Variants in CDK14 observed in about 807,000 individuals in gnomAD.
CDK14 encodes cyclin-dependent kinase 14.
In CDK14, 34 loss-of-function variants were observed where a neutral mutation model predicts 60.7. The ratio of observed to expected loss-of-function variants is 0.56; its 90% CI spans 0.43 to 0.75. CDK14 has a LOEUF of 0.75. CDK14 is among the 30% of genes least tolerant of loss of function. The pLI is 0.00. For missense variants in CDK14, 482 were observed against 564.1 expected, an observed-to-expected ratio of 0.85 and a Z score of 1.47; for synonymous variants, 197 against 203.7, an observed-to-expected ratio of 0.97 and a Z score of 0.28.
At chr7:90,829,429 G>C (rs1198584385) in intron 5 of CDK14, among the ~76,000 whole-genome samples, 4 of 152,166 alleles carry the variant, frequency 2.6e-5, no homozygotes, top group Non-Finnish European at 5.9e-5. Context: ...AGATACAGTG[G>C]GGGTACAGGC....
chr7:90,673,897 A>T (rs17715882), intron 2 of CDK14, among the ~76,000 whole-genome samples: 1 of 152,196 alleles, frequency 6.6e-6, no homozygotes, highest in African/African-American at 2.4e-5. Flanking sequence ...CTTATTTTTC[A>T]TAGATATCAA....
intron 4 of CDK14, among the ~76,000 whole-genome samples, chr7:90,771,397 C>T (rs971284544): frequency 1.3e-5 from 2 of 152,282 alleles, no homozygotes; most frequent in East Asian, 3.9e-4. Context: ...AGCTATTTTA[C>T]TCTCACAGTT....
chr7:91,056,743 AT>A (rs1456719551), intron 11 of CDK14, among the ~76,000 whole-genome samples: 2 of 152,098 alleles, frequency 1.3e-5, no homozygotes, highest in African/African-American at 4.8e-5. Flanking sequence ...TGAACTCATC[AT>A]TTTTTATGGC....
intron 1 of CDK14, among the ~76,000 whole-genome samples, chr7:90,598,704 A>ATTTGTTTTTTTTTT (rs1554416545): frequency 1.1e-5 from 1 of 87,890 alleles, no homozygotes; most frequent in African/African-American, 4.0e-5. Flanking sequence ...TTATCTAAGG[A>ATTTGTTTTTTTTTT]TTTTTTTTTT....
chr7:91,073,406 T>C (rs1232249618), intron 11 of CDK14, among the ~76,000 whole-genome samples: 1 of 152,098 alleles, frequency 6.6e-6, no homozygotes, highest in Non-Finnish European at 1.5e-5. Flanking sequence ...CAAACTAAGC[T>C]TCATAAATGA....
intron 2 of CDK14, among the ~76,000 whole-genome samples, chr7:90,680,312 A>G (rs2116558213): frequency 6.6e-6 from 1 of 152,282 alleles, no homozygotes; most frequent in South Asian, 2.1e-4. Context: ...GTATCATTAG[A>G]CATAGCTTCT....
intron 7 of CDK14, among the ~76,000 whole-genome samples, chr7:90,901,345 T>A (rs1464144488): frequency 6.6e-6 from 1 of 152,154 alleles, no homozygotes; most frequent in Non-Finnish European, 1.5e-5. Flanking sequence ...ACAGTGAGCC[T>A]GGGTATTTAT....
chr7:91,089,971 T>C (rs1159017452), intron 12 of CDK14, among the ~76,000 whole-genome samples: 1 of 152,204 alleles, frequency 6.6e-6, no homozygotes, highest in Non-Finnish European at 1.5e-5. Flanking sequence ...AGTGGGACTT[T>C]ACCTTCCTAT....
At chr7:90,732,572 G>A (rs974558105) in intron 3 of CDK14, among the ~76,000 whole-genome samples, 3 of 151,974 alleles carry the variant, frequency 2.0e-5, no homozygotes, top group Non-Finnish European at 4.4e-5. Context: ...GTTTTAGGAG[G>A]GTGTATGTGT....
At chr7:91,168,120 G>A (rs886394554) in intron 14 of CDK14, among the ~76,000 whole-genome samples, 23 of 152,106 alleles carry the variant, frequency 1.5e-4, no homozygotes, top group African/African-American at 5.3e-4. Context: ...AAATTAGCTG[G>A]GCGTGGTGGC....
At chr7:90,843,433 A>C (rs7790827) in intron 5 of CDK14, among the ~76,000 whole-genome samples, 1 of 152,124 alleles carries the variant, frequency 6.6e-6, no homozygotes, top group Admixed American at 6.6e-5. Flanking sequence ...AAGCACTGGG[A>C]ATTAGCTGTG....
chr7:90,706,257 T>C (rs965704588), intron 2 of CDK14, among the ~76,000 whole-genome samples: 3 of 152,186 alleles, frequency 2.0e-5, no homozygotes, highest in Admixed American at 6.5e-5. Context: ...TCCTGCAGCT[T>C]TGCGCTCTCC....
At chr7:90,920,917 G>C (rs1009345882) in intron 8 of CDK14, among the ~76,000 whole-genome samples, 2 of 151,608 alleles carry the variant, frequency 1.3e-5, no homozygotes, top group Non-Finnish European at 2.9e-5. Context: ...CTGAATTCCA[G>C]GTAGTCAAAA....
chr7:91,049,882 T>A (rs979059124), intron 11 of CDK14, among the ~76,000 whole-genome samples: 1 of 152,104 alleles, frequency 6.6e-6, no homozygotes, highest in African/African-American at 2.4e-5. Context: ...TGGGTGGTGA[T>A]AAGTACTGTG....
chr7:91,079,354 AG>A, intron 11 of CDK14, 77 bp from the exon 12 acceptor site: 1 of 939,724 alleles, frequency 1.1e-6, no homozygotes, highest in Non-Finnish European at 1.7e-6. Flanking sequence ...CTTTTTTTAA[AG>A]TTGAAGTTTT....
intron 10 of CDK14, among the ~76,000 whole-genome samples, chr7:91,028,431 T>C (rs1439667085): frequency 6.6e-6 from 1 of 152,184 alleles, no homozygotes; most frequent in African/African-American, 2.4e-5. Flanking sequence ...TTATTTTCCT[T>C]TGGGTAGCTA....
chr7:90,805,982 A>C (rs1182333250), intron 5 of CDK14, among the ~76,000 whole-genome samples: 1 of 152,230 alleles, frequency 6.6e-6, no homozygotes, highest in Non-Finnish European at 1.5e-5. Context: ...AAGTTCAAAA[A>C]TGAACCCTGA....
intron 2 of CDK14, among the ~76,000 whole-genome samples, chr7:90,695,366 A>G (rs1208583624): frequency 6.6e-6 from 1 of 152,216 alleles, no homozygotes; most frequent in Non-Finnish European, 1.5e-5. Flanking sequence ...AAAGTAATAA[A>G]CAATTGAAAT....
chr7:91,202,015 T>C (rs1230846955), intron 14 of CDK14, among the ~76,000 whole-genome samples: 1 of 152,148 alleles, frequency 6.6e-6, no homozygotes, highest in African/African-American at 2.4e-5. Flanking sequence ...ATCTAATCAA[T>C]TGGTCTGTGT....
Sources: allele counts gnomAD v4.1 joint callset (sites outside exome capture counted in the v4.1 genomes callset), GRCh38; gene constraint gnomAD v4.1.1; transcripts MANE v1.5; gene names NCBI Gene and HGNC (gene_info 2026-07-23, HGNC 2026-07-21).